KCNH3: variants seen among roughly 807,000 people sequenced by gnomAD.
KCNH3 encodes potassium voltage-gated channel subfamily H member 3.
In KCNH3, 36 loss-of-function variants were observed where a neutral mutation model predicts 95.6. The observed-to-expected ratio is 0.38, with a 90% CI of 0.29 to 0.50. The LOEUF is 0.50. Ranked by LOEUF, KCNH3 falls within the 20% of genes least tolerant of loss-of-function variation. The pLI is 0.95. For missense variants in KCNH3, 1,030 were observed against 1,484.1 expected (o/e 0.69, Z 5.03); for synonymous variants, 620 against 646.3 (o/e 0.96, Z 0.62).
At chr12:49,544,145 T>TTCCCC in intron 6 of KCNH3, 30 bp from the exon 7 acceptor site, 3 of 818,346 alleles carry the variant, frequency 3.7e-6, no homozygotes, top group South Asian at 1.3e-5. Context: ...CTGACCTCCC[T>TTCCCC]CCCTCCCTCC....
intron 11 of KCNH3, among the ~76,000 whole-genome samples, 171 bp from the exon 12 acceptor site, chr12:49,555,449 A>T (rs1398037468): frequency 2.0e-5 from 3 of 150,644 alleles, no homozygotes; most frequent in Non-Finnish European, 3.0e-5. Context: ...TCTGTCTCAA[A>T]AAAAAAAAAA....
chr12:49,548,106 G>A (rs865890414), intron 7 of KCNH3, among the ~76,000 whole-genome samples: 8,068 of 147,308 alleles, frequency 0.055, 643 homozygotes, highest in African/African-American at 0.18. Flanking sequence ...GTGTGTGTGT[G>A]TGTGTGTGTG....
At chr12:49,553,383 G>A (rs1464434047) in intron 10 of KCNH3, among the ~76,000 whole-genome samples, 1 of 152,204 alleles carries the variant, frequency 6.6e-6, no homozygotes, top group Non-Finnish European at 1.5e-5. Context: ...CTGAGCTCAA[G>A]CGATCCTCCT....
rs752532631 is a variant in KCNH3, at chr12:49,550,174, G to A, written c.1763G>A (p.Arg588His). The A allele has an allele frequency of 4.5e-5, 72 of 1,608,966 alleles. No homozygotes were observed. The highest frequency in any genetic ancestry group is 1.9e-4 in the South Asian group (17 of 91,036). Residue 588 changes from arginine to histidine, a missense_variant, in exon 10 of 15, where the codon CGC becomes CAC. By Grantham distance (29) the Arg-to-His change is conservative. Around this residue, in one of 9 missense-constraint regions of KCNH3, gnomAD observed 160 missense variants for 316.2 expected, o/e 0.51. Transcript: ENST00000257981. ...LQLPLFEAAS[R>H]GCLRALSLAL... Reference sequence around the variant, plus strand: ...CTGCCACTGTTTGAGGCGGCCAGCCGCGGCTGCCTGCGGGCACTGTCTCTG... The same window carrying A: ...CTGCCACTGTTTGAGGCGGCCAGCCACGGCTGCCTGCGGGCACTGTCTCTG...
At chr12:49,555,294 A>C (rs1938396821) in intron 11 of KCNH3, among the ~76,000 whole-genome samples, 3 of 151,270 alleles carry the variant, frequency 2.0e-5, no homozygotes, top group Admixed American at 2.0e-4. Flanking sequence ...CAAAAAAAAA[A>C]AAAAAAAATG....
At position 49,554,546 on chromosome 12, in the gene KCNH3, T is replaced by A. The variant is rs139904046; in HGVS notation, c.2128T>A (p.Ser710Thr). The A allele has an allele frequency of 1.9e-6, 3 of 1,612,078 alleles. No homozygotes were observed. In the African/African-American group the frequency reaches 4.0e-5, roughly 21 times the overall value. The change falls in exon 11 of 15, where the codon TCT becomes ACT. Residue 710 changes from serine (S) to threonine (T), a missense_variant. By Grantham distance (58) the Ser-to-Thr change is moderately conservative. This residue lies in a region of KCNH3 where 464 missense variants were observed against 493.2 expected (regional missense o/e 0.94). Coordinates refer to ENST00000257981, the MANE Select transcript of KCNH3 (RefSeq NM_012284.3). ...LSYNLGAGGG[S>T]AEVDTSSLSG... is the part of the protein sequence containing the mutation. Reference sequence around the variant, plus strand: ...CTACAACCTGGGTGCTGGGGGAGGCTCTGCAGAGGTGAGTGTGCTGAGTAT... The same window carrying A: ...CTACAACCTGGGTGCTGGGGGAGGCACTGCAGAGGTGAGTGTGCTGAGTAT...
chr12:49,542,224 C>T (rs909525416), intron 3 of KCNH3, among the ~76,000 whole-genome samples: 3 of 152,168 alleles, frequency 2.0e-5, no homozygotes, highest in African/African-American at 7.2e-5. Context: ...GGCCTCTTTG[C>T]CATTTGGGGA....
chr12:49,555,163 G>C (rs182504207), intron 11 of KCNH3, among the ~76,000 whole-genome samples: 2 of 152,076 alleles, frequency 1.3e-5, no homozygotes, highest in East Asian at 3.9e-4. Flanking sequence ...TCATCTGGCC[G>C]GGCGCGGTGG....
Position 49,539,274 on chromosome 12 carries a change from C to T in KCNH3, c.-143C>T, listed in dbSNP as rs1937782903. ...CGCGCGCCAGCGTCCGGCGCGACCC[C>T]GGATCCCGGTCTGCGCATTGCCCCC... On this transcript the variant is annotated 5_prime_UTR_variant, in exon 1 of 15. Transcript: ENST00000257981. This position sits in a 1 kb window ranked among gnomAD's most constrained non-coding sequence, Gnocchi z 6.7. 3.2e-6 allele frequency: 1 copy of T among 316,876 alleles called. No homozygotes were observed. Among genetic ancestry groups the T allele is most frequent in the Non-Finnish European group, 5.4e-6 (1 of 186,368 alleles). 19.6% of individuals were successfully genotyped at this position (316,876 alleles called of 1,614,324 possible). A position where few individuals can be genotyped will look rare whatever the true frequency, so the allele number is the denominator to read the frequency against.
rs572221880 is a variant in KCNH3, at chr12:49,556,839, G to C, written c.2576-344G>C. 1.3e-4 allele frequency: 85 copies of C among 635,844 alleles called. 1 individual carries two copies. The highest frequency in any genetic ancestry group is 4.5e-4 in the South Asian group (29 of 64,538). 39.4% of individuals were successfully genotyped at this position (635,844 alleles called of 1,614,324 possible). ...GGCTAACTGAAGGGATAGAGGGCTG[G>C]GGATCCAGGGGTGAAAATGTCTCCA... On this transcript the variant is annotated intron_variant, in intron 13 of 14. Coordinates refer to ENST00000257981, the MANE Select transcript of KCNH3 (RefSeq NM_012284.3).
chr12:49,557,408 C>G lies in KCNH3; in HGVS notation c.2707C>G (p.Arg903Gly), dbSNP rs148404630. Residue 903 changes from arginine (R) to glycine (G), a missense_variant, in exon 15 of 15, where the codon CGC (arginine) becomes GGC (glycine). Physicochemically the swap from Arg to Gly is moderately radical, Grantham distance 125. This residue lies in a region of KCNH3 where 464 missense variants were observed against 493.2 expected (regional missense o/e 0.94). Transcript: ENST00000257981. The part of the protein sequence containing the change: ...LQMREGLQSL[R>G]QAVQLVLAPH... The stretch of plus-strand genomic sequence containing the variant: ...GATGCGGGAAGGACTGCAGTCACTT[C>G]GCCAGGCTGTGCAGCTTGTCCTGGC... The G allele has an allele frequency of 3.7e-6, 6 of 1,600,888 alleles. No individual in the cohort carries two copies. Among genetic ancestry groups the G allele is most frequent in the East Asian group, 2.2e-5 (1 of 44,650 alleles).
In KCNH3 at chr12:49,550,373, A is replaced by T. The variant is rs1217523560; in HGVS notation, c.1918+44A>T. 7 of 1,564,026 alleles carry T rather than the reference A, an allele frequency of 4.5e-6. No individual in the cohort carries two copies. In the South Asian group the frequency reaches 6.9e-5, roughly 16 times the overall value. On this transcript the variant is annotated intron_variant, in intron 10 of 14. Transcript: ENST00000257981. ...GAGGGCGTGGGGGCACGTGTGTGTG[A>T]GACCATGGCCCTGATCTGTGGAAAA...
In KCNH3 at chr12:49,542,761, G is replaced by A. The variant is rs1476986628; in HGVS notation, c.501G>A (p.Arg167=). The A allele has an allele frequency of 1.3e-6, 2 of 1,592,700 alleles. No homozygotes were observed. The highest frequency in any genetic ancestry group is 1.3e-5 in the African/African-American group (1 of 74,892). Residue 167 remains arginine, a synonymous_variant, in exon 4 of 15, where the codon CGG becomes CGA. Coordinates refer to ENST00000257981, the MANE Select transcript of KCNH3 (RefSeq NM_012284.3). ...RARSKGFNAN[R]RRSRAVLYHL... is the part of the protein sequence containing the mutation. ...GATCCAAAGGCTTCAATGCCAACCG[G>A]CGGCGGAGCCGGGCCGTGCTCTACC...
rs550346672 is a variant in KCNH3, at chr12:49,552,537, C to T, written c.1919-1800C>T. 7.9e-5 allele frequency among the ~76,000 whole-genome samples: 12 copies of T among 152,326 alleles called. No homozygotes were observed. In the South Asian group the frequency reaches 2.3e-3, roughly 29 times the overall value. On this transcript the variant is annotated intron_variant, in intron 10 of 14. Transcript: ENST00000257981. ...TTCTCTGCTTTGCCTTCATACCTAC[C>T]CTCTCCTCACCTACCTTTTTACTCG...
chr12:49,550,046 C>A, intron 9 of KCNH3, 34 bp from the exon 10 acceptor site: 22 of 1,440,678 alleles, frequency 1.5e-5, no homozygotes, highest in South Asian at 3.8e-5. Context: ...CTGCCACTCC[C>A]AACCCCCCCA....
intron 5 of KCNH3, 82 bp from the exon 6 acceptor site, chr12:49,543,833 T>A: frequency 6.5e-7 from 1 of 1,530,164 alleles, no homozygotes; most frequent in Non-Finnish European, 8.9e-7. Context: ...CAGTGTCAAC[T>A]ACTGAGAAAG....
chr12:49,557,481 G>T lies in KCNH3; in HGVS notation c.2780G>T (p.Cys927Phe). ...PCPRASGEGP[C>F]PASTSGLLQP... is the part of the protein sequence containing the mutation. ...CCTCGGGCATCGGGAGAGGGGCCGTGCCCAGCCAGCACCTCCGGGCTTCTG... is the reference window on the plus strand; with the variant it reads ...CCTCGGGCATCGGGAGAGGGGCCGTTCCCAGCCAGCACCTCCGGGCTTCTG... The change falls in exon 15 of 15, where the codon TGC becomes TTC. Residue 927 changes from cysteine (C) to phenylalanine (F), a missense_variant. By Grantham distance (205) the Cys-to-Phe change is radical. Transcript: ENST00000257981. 1.2e-6 allele frequency: 2 copies of T among 1,611,358 alleles called. No individual in the cohort carries two copies. Among genetic ancestry groups the T allele is most frequent in the Non-Finnish European group, 8.5e-7 (1 of 1,179,652 alleles).
chr12:49,548,954 C>A lies in KCNH3; in HGVS notation c.1249C>A (p.Pro417Thr). 5 of 1,606,958 alleles carry A rather than the reference C, an allele frequency of 3.1e-6. No homozygotes were observed. Among genetic ancestry groups the A allele is most frequent in the Non-Finnish European group, 4.2e-6 (5 of 1,177,416 alleles). ...ETPYYLVGRRPAGGNSSGQSD... is the reference protein window; with the variant it reads ...ETPYYLVGRRTAGGNSSGQSD... The stretch of plus-strand genomic sequence containing the variant: ...TCCCTACTACCTGGTGGGCCGGAGG[C>A]CAGCTGGAGGGAACAGCTCCGGCCA... Residue 417 changes from proline (P) to threonine (T), a missense_variant, in exon 8 of 15, where the codon CCA becomes ACA. Around this residue, in one of 9 missense-constraint regions of KCNH3, gnomAD observed 50 missense variants for 41.0 expected, o/e 1.22. Coordinates refer to ENST00000257981, the MANE Select transcript of KCNH3 (RefSeq NM_012284.3).
chr12:49,554,818 G>C (rs1217238412), intron 11 of KCNH3, among the ~76,000 whole-genome samples: 2 of 152,200 alleles, frequency 1.3e-5, no homozygotes, highest in Non-Finnish European at 2.9e-5. Flanking sequence ...GTAGATGAAT[G>C]CATCAGTGCT....
Sources: gnomAD v4.1 joint callset for allele counts (sites outside exome capture counted in the v4.1 genomes callset) on GRCh38, gnomAD v4.1.1 for gene constraint, gnomAD v4.1.1 regional missense constraint, Gnocchi (gnomAD v3.1) non-coding constraint, MANE v1.5 for transcripts, NCBI Gene and HGNC (gene_info 2026-07-23, HGNC 2026-07-21) for gene names.